The following FAM222B variants were observed in gnomAD, a reference collection of about 807,000 sequenced individuals.
FAM222B encodes protein FAM222B.
FAM222B carries 12 observed loss-of-function variants against 38.0 expected under a neutral mutation model. That is an observed-to-expected ratio of 0.32 (90% CI 0.20 to 0.51). The LOEUF (loss-of-function observed/expected upper bound fraction) is 0.51. FAM222B is among the 20% of genes least tolerant of loss of function. FAM222B has a pLI of 0.97. For missense variants in FAM222B, 716 were observed against 754.2 expected (o/e 0.95, Z 0.59); for synonymous variants, 329 against 317.2 (o/e 1.04, Z -0.40).
At chr17:28,829,954 A>G (rs2038603941) in intron 1 of FAM222B, among the ~76,000 whole-genome samples, 1 of 151,358 alleles carries the variant, frequency 6.6e-6, no homozygotes, top group Non-Finnish European at 1.5e-5. Flanking sequence ...GGTTCAAGAA[A>G]TTCTCCTGCC....
chr17:28,757,067 G>A lies in FAM222B; in HGVS notation c.*1203C>T, dbSNP rs1007155547. The A allele has an allele frequency of 6.6e-6, 1 of 152,664 alleles. No individual in the cohort carries two copies. Among genetic ancestry groups the A allele is most frequent in the South Asian group, 2.1e-4 (1 of 4,836 alleles). The allele number at this position is 152,664 out of a possible 1,614,324, so 9.5% of individuals were successfully genotyped here. On this transcript the variant is annotated 3_prime_UTR_variant, in exon 3 of 3. Coordinates refer to ENST00000581407, the MANE Select transcript of FAM222B (RefSeq NM_001077498.3). Reference sequence around the variant, plus strand: ...TGTCGCTTGGGATGAGACGTGCTGAGCATGGAGTGGATGAAGGTATGCTCT... The same window carrying A: ...TGTCGCTTGGGATGAGACGTGCTGAACATGGAGTGGATGAAGGTATGCTCT...
At chr17:28,811,515 T>C (rs956799339) in intron 1 of FAM222B, among the ~76,000 whole-genome samples, 10 of 152,170 alleles carry the variant, frequency 6.6e-5, no homozygotes, top group African/African-American at 2.4e-4. Context: ...AGTTTGGTTT[T>C]GGTTTTTGAC....
intron 1 of FAM222B, among the ~76,000 whole-genome samples, chr17:28,808,920 A>C (rs149629208): frequency 9.2e-5 from 14 of 152,260 alleles, no homozygotes; most frequent in African/African-American, 3.4e-4. Flanking sequence ...AGCAATGCCA[A>C]GGGCCCAATA....
chr17:28,802,007 CAA>C (rs61492022), intron 1 of FAM222B, among the ~76,000 whole-genome samples: 58 of 109,176 alleles, frequency 5.3e-4, no homozygotes, highest in Non-Finnish European at 5.5e-4. Context: ...TTGCTGAATG[CAA>C]AAAAAAAAAA....
chr17:28,846,775 A>G (rs2039148511), upstream of FAM222B, among the ~76,000 whole-genome samples: 1 of 152,072 alleles, frequency 6.6e-6, no homozygotes, highest in African/African-American at 2.4e-5. Flanking sequence ...TAGGAATTCA[A>G]CCATCCGAAG....
chr17:28,814,805 G>A (rs918985661), intron 1 of FAM222B, among the ~76,000 whole-genome samples: 12 of 124,238 alleles, frequency 9.7e-5, no homozygotes, highest in African/African-American at 3.7e-4. Flanking sequence ...TAAGAGTCTC[G>A]ATCTGTCATC....
chr17:28,829,250 T>C (rs1422355407), intron 1 of FAM222B, among the ~76,000 whole-genome samples: 1 of 139,002 alleles, frequency 7.2e-6, no homozygotes, highest in Admixed American at 7.4e-5. Flanking sequence ...GTTTCACTCT[T>C]GTTGCCTCAG....
intron 1 of FAM222B, among the ~76,000 whole-genome samples, chr17:28,851,074 G>A (rs955715957): frequency 1.3e-5 from 2 of 151,594 alleles, no homozygotes; most frequent in Admixed American, 6.6e-5. Flanking sequence ...AGCTGAGATC[G>A]CACCGCTGCA....
At chr17:28,820,135 G>A (rs1280106882) in intron 1 of FAM222B, among the ~76,000 whole-genome samples, 2 of 152,170 alleles carry the variant, frequency 1.3e-5, no homozygotes, top group Admixed American at 6.6e-5. Flanking sequence ...TCCCAGGTGA[G>A]GTGTCAGGGT....
chr17:28,772,700 G>T (rs1242354978), intron 1 of FAM222B, among the ~76,000 whole-genome samples: 2 of 151,874 alleles, frequency 1.3e-5, no homozygotes, highest in East Asian at 1.9e-4. Context: ...TTCGAGACCA[G>T]CCTGGCCAAT....
At chr17:28,847,771 G>A (rs1286431235), upstream of FAM222B, among the ~76,000 whole-genome samples, 4 of 151,694 alleles carry the variant, frequency 2.6e-5, no homozygotes, top group Non-Finnish European at 4.4e-5. Context: ...AAAATGAGCC[G>A]GGCGCCATGG....
At chr17:28,825,184 G>A (rs2038392855) in intron 1 of FAM222B, among the ~76,000 whole-genome samples, 1 of 151,854 alleles carries the variant, frequency 6.6e-6, no homozygotes, top group Non-Finnish European at 1.5e-5. Context: ...TGAAATCCCA[G>A]CACTTTGGGA....
intron 1 of FAM222B, among the ~76,000 whole-genome samples, chr17:28,803,746 G>A (rs1190473005): frequency 6.6e-6 from 1 of 152,044 alleles, no homozygotes; most frequent in Non-Finnish European, 1.5e-5. Flanking sequence ...TTGGGAGGCC[G>A]AGACGGGTGG....
At position 28,768,131 on chromosome 17, in the gene FAM222B, C is replaced by T. The variant is rs534514637; in HGVS notation, c.-40-1424G>A. On this transcript the variant is annotated intron_variant, in intron 1 of 2. Transcript: ENST00000581407. ...GCAAGCTCCTTAGGTAACAGAAATA[C>T]GATTTTCCTAAATAAGTACACGAAC... 3.9e-5 allele frequency among the ~76,000 whole-genome samples: 6 copies of T among 152,256 alleles called. No homozygotes were observed. The South Asian group carries it at 1.0e-3, about 26-fold the overall frequency.
At chr17:28,766,549 A>G (rs748242714) in intron 2 of FAM222B, 37 bp downstream of exon 2, 4 of 1,542,342 alleles carry the variant, frequency 2.6e-6, no homozygotes, top group Non-Finnish European at 3.5e-6. Context: ...ACAAAAACAA[A>G]GAATCACACA....
chr17:28,788,639 C>T (rs1164581306), intron 1 of FAM222B, among the ~76,000 whole-genome samples: 1 of 152,168 alleles, frequency 6.6e-6, no homozygotes, highest in South Asian at 2.1e-4. Context: ...TTTAAGTCAA[C>T]ATTATTTTAG....
At chr17:28,791,000 G>A (rs1448778031) in intron 1 of FAM222B, among the ~76,000 whole-genome samples, 4 of 140,966 alleles carry the variant, frequency 2.8e-5, no homozygotes, top group African/African-American at 8.0e-5. Flanking sequence ...CCAGGTCCAC[G>A]CCATTCTCCT....
At chr17:28,796,231 C>T (rs1436293163) in intron 1 of FAM222B, among the ~76,000 whole-genome samples, 2 of 152,238 alleles carry the variant, frequency 1.3e-5, no homozygotes, top group African/African-American at 4.8e-5. Flanking sequence ...ATTGAACTAA[C>T]ACCCTAAGCG....
chr17:28,791,675 A>ATTTTTTTTTTTTTTTTTTTTTTT (rs869183871), intron 1 of FAM222B, among the ~76,000 whole-genome samples: 1 of 116,850 alleles, frequency 8.6e-6, no homozygotes, highest in Admixed American at 9.2e-5. Flanking sequence ...GAGCCCAGGA[A>ATTTTTTTTTTTTTTTTTTTTTTT]TTTTTTTTTT....
Sources: gnomAD v4.1 joint callset for allele counts (sites outside exome capture counted in the v4.1 genomes callset) on GRCh38, gnomAD v4.1.1 for gene constraint, MANE v1.5 for transcripts, NCBI Gene and HGNC (gene_info 2026-07-23, HGNC 2026-07-21) for gene names.